Variants in CREB5 observed in about 807,000 individuals in gnomAD.
The protein encoded by CREB5 is cAMP responsive element binding protein 5, also known as cyclic AMP-responsive element-binding protein 5.
A neutral mutation model predicts 57.1 loss-of-function variants in CREB5; 19 were observed. The ratio of observed to expected loss-of-function variants is 0.33; its 90% CI spans 0.23 to 0.49. The LOEUF (loss-of-function observed/expected upper bound fraction) is 0.49. Ranked by LOEUF, CREB5 falls within the 20% of genes least tolerant of loss-of-function variation. The probability of loss-of-function intolerance (pLI) is 0.99; values close to 1 mark genes in which losing one functional copy is unlikely to be tolerated. For synonymous variants in CREB5, 238 were observed against 238.3 expected, an observed-to-expected ratio of 1.00 and a Z score of 0.01; for missense variants, 579 against 671.6, an observed-to-expected ratio of 0.86 and a Z score of 1.52.
intron 5 of CREB5, among the ~76,000 whole-genome samples, chr7:28,683,667 C>T (rs974440401): frequency 3.9e-5 from 6 of 152,268 alleles, no homozygotes; most frequent in Non-Finnish European, 7.3e-5. Flanking sequence ...ATGATGCTGG[C>T]GGGTCTCATC....
At chr7:28,636,232 G>GC (rs1282930877) in intron 5 of CREB5, among the ~76,000 whole-genome samples, 13 of 152,186 alleles carry the variant, frequency 8.5e-5, no homozygotes, top group Admixed American at 3.3e-4. Flanking sequence ...TGTGCTGCTT[G>GC]CCCATGCCCT....
At chr7:28,769,684 A>C (rs959674862) in intron 7 of CREB5, among the ~76,000 whole-genome samples, 28 of 152,232 alleles carry the variant, frequency 1.8e-4, no homozygotes, top group African/African-American at 6.5e-4. Context: ...CTCCTTGGGT[A>C]CCTGACTGAA....
At chr7:28,566,871 A>G (rs1482031580) in intron 4 of CREB5, among the ~76,000 whole-genome samples, 1 of 152,214 alleles carries the variant, frequency 6.6e-6, no homozygotes, top group Admixed American at 6.5e-5. Context: ...GATCACAGAG[A>G]TGAAGAGATG....
At chr7:28,411,067 G>A (rs1398120187), upstream of CREB5, among the ~76,000 whole-genome samples, 1 of 152,206 alleles carries the variant, frequency 6.6e-6, no homozygotes, top group Non-Finnish European at 1.5e-5. Flanking sequence ...TACCTGATCA[G>A]CGCGCAATCC....
At chr7:28,742,087 T>C (rs1330270644) in intron 7 of CREB5, among the ~76,000 whole-genome samples, 1 of 122,236 alleles carries the variant, frequency 8.2e-6, no homozygotes, top group Non-Finnish European at 1.7e-5. Context: ...AAAAAAAAAA[T>C]CCATAGTGTG....
intron 1 of CREB5, among the ~76,000 whole-genome samples, chr7:28,455,554 G>T (rs946328475): frequency 1.3e-5 from 2 of 152,236 alleles, no homozygotes; most frequent in African/African-American, 2.4e-5. Flanking sequence ...GTAGTGGCAA[G>T]AGATTCAGAA....
intron 9 of CREB5, 152 bp downstream of exon 9, chr7:28,809,566 C>A: frequency 2.8e-6 from 2 of 719,098 alleles, no homozygotes; most frequent in Non-Finnish European, 4.5e-6. Context: ...TTATTAATTC[C>A]AGGACACCCT....
intron 5 of CREB5, among the ~76,000 whole-genome samples, chr7:28,579,542 G>A (rs976558511): frequency 6.6e-6 from 1 of 152,184 alleles, no homozygotes; most frequent in African/African-American, 2.4e-5. Flanking sequence ...GTAGCGACAT[G>A]ATGGAATGTG....
At chr7:28,512,938 G>T (rs1205347183) in intron 4 of CREB5, among the ~76,000 whole-genome samples, 1 of 152,182 alleles carries the variant, frequency 6.6e-6, no homozygotes, top group Non-Finnish European at 1.5e-5. Context: ...AGAGAGTATT[G>T]ACTGTTTAAC....
At chr7:28,304,557 G>A (rs1212708424) in intron 1 of CREB5, among the ~76,000 whole-genome samples, 1 of 152,120 alleles carries the variant, frequency 6.6e-6, no homozygotes, top group Non-Finnish European at 1.5e-5. Context: ...AATGGTTATG[G>A]AGAACCACAA....
In CREB5 at chr7:28,343,562, T is replaced by C. The variant is rs993175914; in HGVS notation, c.-25+44121T>C. On this transcript the variant is annotated intron_variant, in intron 1 of 9. Coordinates refer to the CREB5 transcript ENST00000396299. ...TTTTAATGGCCAAATCATATTCCAT[T>C]GTGTATATCTGTATCTGTATCTATA... Among the ~76,000 whole-genome samples the C allele has an allele frequency of 1.6e-4, 24 of 152,368 alleles. 2 individuals carry two copies. Among genetic ancestry groups the C allele is most frequent in the African/African-American group, 5.8e-4 (24 of 41,580 alleles).
At chr7:28,472,508 G>A (rs1476764860) in intron 1 of CREB5, among the ~76,000 whole-genome samples, 1 of 152,198 alleles carries the variant, frequency 6.6e-6, no homozygotes, top group Non-Finnish European at 1.5e-5. Context: ...CTGGCCGGTG[G>A]TGGCTATGTC....
chr7:28,654,765 G>A (rs1443681754), intron 5 of CREB5, among the ~76,000 whole-genome samples: 2 of 152,160 alleles, frequency 1.3e-5, no homozygotes, highest in Non-Finnish European at 2.9e-5. Context: ...GCACCCTGAT[G>A]AAAAATGAGA....
intron 5 of CREB5, among the ~76,000 whole-genome samples, chr7:28,590,596 G>A (rs563191276): frequency 4.6e-5 from 7 of 151,180 alleles, no homozygotes; most frequent in Non-Finnish European, 1.0e-4. Flanking sequence ...GTTAATGGGT[G>A]CAGCACACGA....
intron 1 of CREB5, 121 bp from the exon 2 acceptor site, chr7:28,488,054 A>G (rs1791644604): frequency 2.6e-6 from 2 of 783,186 alleles, no homozygotes; most frequent in Non-Finnish European, 4.3e-6. Flanking sequence ...CTGCTCATCT[A>G]ATTTTGGTAT....
Position 28,819,316 on chromosome 7 carries a change from A to T in CREB5, c.*37A>T. ...AGACCTGGCCTCCAAGAAGAGCTGT[A>T]GCGTACCATGCGTCCTTTCTTTTAA... On this transcript the variant is annotated 3_prime_UTR_variant, in exon 11 of 11. Transcript: ENST00000357727. 6.3e-7 allele frequency: 1 copy of T among 1,594,938 alleles called. No homozygotes were observed. Among genetic ancestry groups the T allele is most frequent in the South Asian group, 1.1e-5 (1 of 88,162 alleles).
intron 1 of CREB5, among the ~76,000 whole-genome samples, chr7:28,421,279 T>TAA (rs1469433367): frequency 6.6e-6 from 1 of 152,216 alleles, no homozygotes; most frequent in Non-Finnish European, 1.5e-5. Context: ...TCACCTAGGA[T>TAA]AATGGCCTCA....
chr7:28,785,452 C>T (rs1011368992), intron 7 of CREB5, among the ~76,000 whole-genome samples: 7 of 152,352 alleles, frequency 4.6e-5, no homozygotes, highest in South Asian at 2.1e-4. Flanking sequence ...AGGCTCTTCA[C>T]TGCCTGTATG....
chr7:28,539,849 G>T (rs1185402782), intron 4 of CREB5, among the ~76,000 whole-genome samples: 1 of 152,162 alleles, frequency 6.6e-6, no homozygotes, highest in Non-Finnish European at 1.5e-5. Context: ...GAACCATCAT[G>T]GTATCAGTTT....
Sources: allele counts gnomAD v4.1 joint callset (sites outside exome capture counted in the v4.1 genomes callset), GRCh38; gene constraint gnomAD v4.1.1; transcripts MANE v1.5; gene names NCBI Gene and HGNC (gene_info 2026-07-23, HGNC 2026-07-21).